Variants in ASIC2 observed in about 807,000 individuals in gnomAD.
ASIC2 encodes acid sensing ion channel subunit 2, also known as acid-sensing ion channel 2.
ASIC2 carries 25 observed loss-of-function variants against 57.3 expected under a neutral mutation model. That is an observed-to-expected ratio of 0.44 (90% CI 0.32 to 0.61). The LOEUF is 0.61. ASIC2 is among the 20% of genes least tolerant of loss of function. The pLI is 0.06. For synonymous variants in ASIC2, 319 were observed against 307.5 expected (o/e 1.04, Z -0.39); for missense variants, 641 against 738.1 (o/e 0.87, Z 1.52).
At chr17:33,108,351 C>T (rs2141983579) in intron 2 of ASIC2, among the ~76,000 whole-genome samples, 1 of 152,330 alleles carries the variant, frequency 6.6e-6, no homozygotes, top group Non-Finnish European at 1.5e-5. Flanking sequence ...GGCCTGGCCT[C>T]CTTCCTCTGG....
In ASIC2 at chr17:33,144,889, A is replaced by G. The variant is rs1215101680; in HGVS notation, c.709-32822T>C. The stretch of plus-strand genomic sequence containing the variant: ...ATCAGACAAGTAGTGGATGAATCCG[A>G]TCTGAGTCATTGCTCCTTCATTTTC... On this transcript the variant is annotated intron_variant, in intron 1 of 9. Transcript: ENST00000225823. Among the ~76,000 whole-genome samples, 3 of 152,184 alleles carry G rather than the reference A, an allele frequency of 2.0e-5. No individual in the cohort carries two copies. In the East Asian group the frequency reaches 5.8e-4, roughly 29 times the overall value.
chr17:33,389,836 G>A (rs191011838), intron 1 of ASIC2, among the ~76,000 whole-genome samples: 92 of 152,296 alleles, frequency 6.0e-4, no homozygotes, highest in African/African-American at 2.1e-3. Context: ...GGGAAATGAG[G>A]CTTGAGCACA....
chr17:33,448,195 A>T (rs1912107474), intron 1 of ASIC2, among the ~76,000 whole-genome samples: 1 of 151,924 alleles, frequency 6.6e-6, no homozygotes, highest in Non-Finnish European at 1.5e-5. Flanking sequence ...TTTATTTTTA[A>T]TTTTTACTGC....
At chr17:33,467,796 A>G (rs1270511181) in intron 1 of ASIC2, among the ~76,000 whole-genome samples, 1 of 152,212 alleles carries the variant, frequency 6.6e-6, no homozygotes, top group Non-Finnish European at 1.5e-5. Flanking sequence ...ATTTCCAGAC[A>G]AAACCAATGC....
In ASIC2 at chr17:33,718,326, G is replaced by A. The variant is rs61031503; in HGVS notation, c.555+437652C>T. On this transcript the variant is annotated intron_variant, in intron 1 of 9. Transcript: ENST00000359872. Reference sequence around the variant, plus strand: ...ATATTAAGATGAGCTAGTTGAACCCGTGGATACAGAGGCTGACTGGATTTA... The same window carrying A: ...ATATTAAGATGAGCTAGTTGAACCCATGGATACAGAGGCTGACTGGATTTA... Among the ~76,000 whole-genome samples, 125 of 152,256 alleles carry A rather than the reference G, an allele frequency of 8.2e-4. 1 individual carries two copies. Among genetic ancestry groups the A allele is most frequent in the Middle Eastern group, 3.4e-3 (1 of 294 alleles).
intron 1 of ASIC2, among the ~76,000 whole-genome samples, chr17:33,603,851 C>T (rs1312263460): frequency 6.6e-6 from 1 of 152,194 alleles, no homozygotes; most frequent in Non-Finnish European, 1.5e-5. Context: ...GTGCTCAGGG[C>T]CCCAGGCTGA....
At chr17:33,925,643 C>T (rs1915807390) in intron 1 of ASIC2, among the ~76,000 whole-genome samples, 1 of 152,218 alleles carries the variant, frequency 6.6e-6, no homozygotes. Flanking sequence ...TTGGGCACCA[C>T]GTTCCCCTCA....
chr17:33,269,613 C>CCCTCCCTCCCTTCCTTCCTT (rs1904365417), intron 1 of ASIC2, among the ~76,000 whole-genome samples: 1 of 73,340 alleles, frequency 1.4e-5, no homozygotes, highest in Non-Finnish European at 2.9e-5. Context: ...AGGGCTCCTT[C>CCCTCCCTCCCTTCCTTCCTT]CCTTCCTTCC....
intron 1 of ASIC2, among the ~76,000 whole-genome samples, chr17:33,898,816 CT>C: frequency 6.6e-6 from 1 of 152,184 alleles, no homozygotes. Flanking sequence ...TATAGACTGT[CT>C]CTTGATTTTG....
intron 1 of ASIC2, among the ~76,000 whole-genome samples, chr17:33,395,678 G>A (rs777055570): frequency 2.0e-5 from 3 of 152,158 alleles, no homozygotes; most frequent in South Asian, 2.1e-4. Flanking sequence ...CCTATTATAC[G>A]TAGACACCTT....
At chr17:33,426,755 G>A (rs527663029) in intron 1 of ASIC2, among the ~76,000 whole-genome samples, 1 of 152,302 alleles carries the variant, frequency 6.6e-6, no homozygotes, top group Admixed American at 6.5e-5. Context: ...GCAAACAAAA[G>A]TCCATGATCT....
intron 1 of ASIC2, among the ~76,000 whole-genome samples, chr17:33,419,158 AG>A (rs1439649278): frequency 1.3e-5 from 2 of 152,246 alleles, no homozygotes; most frequent in African/African-American, 2.4e-5. Context: ...TGTCTGGCAG[AG>A]ACAGATGGGG....
chr17:33,566,866 G>C (rs1187765305), intron 1 of ASIC2, among the ~76,000 whole-genome samples: 1 of 151,952 alleles, frequency 6.6e-6, no homozygotes, highest in Non-Finnish European at 1.5e-5. Context: ...TAACTGCATT[G>C]CCTCCACTCC....
chr17:33,211,704 C>T (rs1400281581), intron 1 of ASIC2, among the ~76,000 whole-genome samples: 1 of 152,142 alleles, frequency 6.6e-6, no homozygotes, highest in Non-Finnish European at 1.5e-5. Context: ...CCTCCATTAC[C>T]AGCTAATCCA....
chr17:33,564,899 A>G (rs1243439150), intron 1 of ASIC2, among the ~76,000 whole-genome samples: 1 of 152,248 alleles, frequency 6.6e-6, no homozygotes, highest in Non-Finnish European at 1.5e-5. Context: ...GCTGCAGTTA[A>G]CTAGCCCAAC....
intron 1 of ASIC2, among the ~76,000 whole-genome samples, chr17:33,731,368 C>T (rs1909737401): frequency 1.3e-5 from 2 of 152,074 alleles, no homozygotes; most frequent in South Asian, 4.2e-4. Context: ...TGCATTAGAA[C>T]AGAATTGAAT....
intron 1 of ASIC2, among the ~76,000 whole-genome samples, chr17:33,744,765 T>C (rs986495640): frequency 1.3e-5 from 2 of 152,198 alleles, no homozygotes; most frequent in Admixed American, 6.5e-5. Context: ...GTAGACATTA[T>C]ACATACGTTC....
chr17:33,354,546 C>T (rs1263866336), intron 1 of ASIC2, among the ~76,000 whole-genome samples: 2 of 152,104 alleles, frequency 1.3e-5, no homozygotes, highest in Admixed American at 6.5e-5. Context: ...GCAGCCCTAC[C>T]CCCATGGCTT....
At chr17:33,676,296 A>C (rs922112906) in intron 1 of ASIC2, among the ~76,000 whole-genome samples, 1 of 152,230 alleles carries the variant, frequency 6.6e-6, no homozygotes, top group African/African-American at 2.4e-5. Context: ...AAGGAGTCAC[A>C]CATCTCTCAC....
Sources: gnomAD v4.1 joint callset for allele counts (sites outside exome capture counted in the v4.1 genomes callset) on GRCh38, gnomAD v4.1.1 for gene constraint, MANE v1.5 for transcripts, NCBI Gene and HGNC (gene_info 2026-07-23, HGNC 2026-07-21) for gene names.